Variants in NTN1 observed in about 807,000 individuals in gnomAD.
NTN1 encodes netrin-1.
A neutral mutation model predicts 54.2 loss-of-function variants in NTN1; 11 were observed. The ratio of observed to expected loss-of-function variants is 0.20; its 90% CI spans 0.13 to 0.34. The LOEUF is 0.34. NTN1 is among the 10% of genes least tolerant of loss of function. The pLI, the probability that NTN1 is intolerant of heterozygous loss-of-function variation, is 1.00. For synonymous variants in NTN1, 371 were observed against 382.0 expected (o/e 0.97, Z 0.33); for missense variants, 740 against 893.1 (o/e 0.83, Z 2.18).
chr17:9,164,551 C>T (rs903315613), intron 3 of NTN1, among the ~76,000 whole-genome samples: 2 of 150,986 alleles, frequency 1.3e-5, no homozygotes, highest in African/African-American at 2.5e-5. Context: ...AAGCTGGTGC[C>T]CTTCTGAGCA....
intron 2 of NTN1, among the ~76,000 whole-genome samples, chr17:9,082,698 TGA>T (rs1426941337): frequency 7.6e-6 from 1 of 132,076 alleles, no homozygotes; most frequent in African/African-American, 2.9e-5. Context: ...AGATTGGCCA[TGA>T]GAGTTTCTCG....
At chr17:9,127,639 C>T (rs2092251770) in intron 2 of NTN1, among the ~76,000 whole-genome samples, 2 of 152,064 alleles carry the variant, frequency 1.3e-5, no homozygotes, top group Admixed American at 6.5e-5. Context: ...ACAGTGGGCA[C>T]AGGGGGCTGG....
intron 5 of NTN1, among the ~76,000 whole-genome samples, chr17:9,184,823 C>T (rs1238168576): frequency 1.3e-5 from 2 of 152,208 alleles, no homozygotes; most frequent in African/African-American, 4.8e-5. Context: ...TCTACATAGG[C>T]TACAAGAAGC....
At chr17:9,094,120 A>G (rs35583197) in intron 2 of NTN1, among the ~76,000 whole-genome samples, 11,825 of 152,266 alleles carry the variant, frequency 0.078, 620 homozygotes, top group Non-Finnish European at 0.11. Context: ...GTTTCTACAA[A>G]CAGGATTTTA....
chr17:9,153,190 A>G (rs1442959707), intron 2 of NTN1, among the ~76,000 whole-genome samples: 3 of 151,992 alleles, frequency 2.0e-5, no homozygotes, highest in African/African-American at 7.3e-5. Flanking sequence ...AATTGCTTGA[A>G]CCCGGGAGGC....
At chr17:9,132,787 T>G (rs774283708) in intron 2 of NTN1, among the ~76,000 whole-genome samples, 2 of 152,102 alleles carry the variant, frequency 1.3e-5, no homozygotes, top group Non-Finnish European at 2.9e-5. Flanking sequence ...GGCAGGAGAT[T>G]CACTTGAACC....
chr17:9,234,758 C>G (rs1178074180), intron 6 of NTN1, among the ~76,000 whole-genome samples: 1 of 152,180 alleles, frequency 6.6e-6, no homozygotes, highest in African/African-American at 2.4e-5. Flanking sequence ...AGCCGTTGAG[C>G]ACTTATGATA....
At chr17:9,227,636 C>CACATCAAACACACCATA (rs1555578961) in intron 6 of NTN1, among the ~76,000 whole-genome samples, 3 of 138,054 alleles carry the variant, frequency 2.2e-5, no homozygotes, top group Non-Finnish European at 4.7e-5. Flanking sequence ...ATCACGCACA[C>CACATCAAACACACCATA]ACATCAAACA....
intron 2 of NTN1, among the ~76,000 whole-genome samples, chr17:9,113,974 C>A (rs1029201259): frequency 6.6e-6 from 1 of 150,986 alleles, no homozygotes; most frequent in Admixed American, 6.6e-5. Context: ...ACCAGCCTGG[C>A]CAACATAGTG....
At chr17:9,161,013 C>T (rs1332633049) in intron 2 of NTN1, among the ~76,000 whole-genome samples, 4 of 152,318 alleles carry the variant, frequency 2.6e-5, no homozygotes, top group South Asian at 2.1e-4. Context: ...TTCCATAAAA[C>T]GTGATTTAGA....
At chr17:9,226,232 C>T (rs954185810) in intron 6 of NTN1, among the ~76,000 whole-genome samples, 9 of 150,518 alleles carry the variant, frequency 6.0e-5, no homozygotes, top group East Asian at 2.0e-4. Flanking sequence ...CCGAAGGGAG[C>T]GCTGGAGACG....
chr17:9,202,056 A>ACACACACACACACACACACACACACAC (rs553874657), intron 5 of NTN1, among the ~76,000 whole-genome samples: 1 of 14,288 alleles, frequency 7.0e-5, no homozygotes, highest in Non-Finnish European at 1.1e-4. Flanking sequence ...ACACACACAC[A>ACACACACACACACACACACACACACAC]AAAAAAAAAA....
chr17:9,202,496 T>C (rs1904827715), intron 5 of NTN1, among the ~76,000 whole-genome samples: 1 of 152,184 alleles, frequency 6.6e-6, no homozygotes, highest in South Asian at 2.1e-4. Flanking sequence ...ATTACTTTCC[T>C]AAAGCAAACC....
chr17:9,085,813 G>A (rs1393988736), intron 2 of NTN1, among the ~76,000 whole-genome samples: 1 of 152,140 alleles, frequency 6.6e-6, no homozygotes, highest in African/African-American at 2.4e-5. Flanking sequence ...AGCATTCAAG[G>A]CGCTGGGGAT....
intron 2 of NTN1, among the ~76,000 whole-genome samples, chr17:9,099,126 G>A (rs1007089976): frequency 4.6e-5 from 7 of 152,144 alleles, no homozygotes; most frequent in Admixed American, 2.0e-4. Context: ...CTCATTGGCC[G>A]GGCGCAGTGG....
chr17:9,010,137 C>T, the NTN1 span, among the ~76,000 whole-genome samples: 1 of 152,310 alleles, frequency 6.6e-6, no homozygotes, highest in Admixed American at 6.5e-5. Flanking sequence ...CAGCAGTCAC[C>T]ATGTCCCCAA....
intron 2 of NTN1, among the ~76,000 whole-genome samples, chr17:9,052,807 G>A (rs1488340384): frequency 6.6e-6 from 1 of 152,190 alleles, no homozygotes; most frequent in Non-Finnish European, 1.5e-5. Context: ...GATATACAGA[G>A]TGTGGTACCA....
chr17:9,079,220 C>G (rs1006825271), intron 2 of NTN1, among the ~76,000 whole-genome samples: 1 of 152,198 alleles, frequency 6.6e-6, no homozygotes, highest in Non-Finnish European at 1.5e-5. Context: ...GGAGTAGAAC[C>G]CTGCTCCAGG....
At chr17:9,229,762 G>A (rs1169655103) in intron 6 of NTN1, among the ~76,000 whole-genome samples, 1 of 152,162 alleles carries the variant, frequency 6.6e-6, no homozygotes, top group Non-Finnish European at 1.5e-5. Context: ...GATTGGTGAT[G>A]GGCATGGCTG....
Sources: gnomAD v4.1 joint callset for allele counts (sites outside exome capture counted in the v4.1 genomes callset) on GRCh38, gnomAD v4.1.1 for gene constraint, MANE v1.5 for transcripts, NCBI Gene and HGNC (gene_info 2026-07-23, HGNC 2026-07-21) for gene names.